The following SSH2 variants were observed in gnomAD, a reference collection of about 807,000 sequenced individuals.
SSH2 encodes the protein slingshot protein phosphatase 2.
SSH2 carries 37 observed loss-of-function variants against 135.2 expected under a neutral mutation model. That is an observed-to-expected ratio of 0.27 (90% CI 0.21 to 0.36). The LOEUF (loss-of-function observed/expected upper bound fraction) is 0.36, where lower values mean the gene tolerates loss of function less well. Ranked by LOEUF, SSH2 falls within the 10% of genes least tolerant of loss-of-function variation. The pLI, the probability that SSH2 is intolerant of heterozygous loss-of-function variation, is 1.00. For synonymous variants in SSH2, 628 were observed against 646.2 expected, an observed-to-expected ratio of 0.97 and a Z score of 0.43; for missense variants, 1,408 against 1,765.3, an observed-to-expected ratio of 0.80 and a Z score of 3.63.
chr17:29,804,059 C>G (rs1180715942), intron 2 of SSH2, among the ~76,000 whole-genome samples: 1 of 152,044 alleles, frequency 6.6e-6, no homozygotes, highest in Non-Finnish European at 1.5e-5. Context: ...TAATTTAGAT[C>G]AAGATATATA....
chr17:29,734,631 A>G (rs541553963), intron 3 of SSH2, among the ~76,000 whole-genome samples: 1 of 152,362 alleles, frequency 6.6e-6, no homozygotes, highest in South Asian at 2.1e-4. Context: ...CTTGAAAGTA[A>G]CAACCTTAAA....
intron 15 of SSH2, among the ~76,000 whole-genome samples, chr17:29,634,083 T>G (rs981359525): frequency 2.0e-5 from 3 of 152,224 alleles, no homozygotes; most frequent in Admixed American, 6.5e-5. Flanking sequence ...TTTCTGTCAG[T>G]GCTGCTACAG....
chr17:29,684,836 T>A, intron 5 of SSH2, 152 bp from the exon 6 acceptor site: 1 of 598,044 alleles, frequency 1.7e-6, no homozygotes, highest in Non-Finnish European at 2.7e-6. Context: ...GCTCGTACAC[T>A]AGCTATAAAA....
rs756477476 is a variant in SSH2 at position 29,636,620 on chromosome 17, T to C, written c.1610A>G (p.His537Arg). The change falls in exon 15 of 16, where the codon CAT becomes CGT. Residue 537 changes from histidine (H) to arginine (R), a missense_variant. Transcript: ENST00000540801. ...HPPIPPVFVE[H>R]MVPQDANQKG... The stretch of plus-strand genomic sequence containing the variant: ...CTGATTTGCATCTTGTGGGACCATA[T>C]GTTCCACAAAGACAGGAGGTATGGG... The C allele has an allele frequency of 6.2e-7, 1 of 1,614,202 alleles. No individual in the cohort carries two copies. The highest frequency in any genetic ancestry group is 2.2e-5 in the East Asian group (1 of 44,882).
chr17:29,677,791 C>G, intron 6 of SSH2, 50 bp from the exon 7 acceptor site: 1 of 1,453,370 alleles, frequency 6.9e-7, no homozygotes, highest in Non-Finnish European at 9.7e-7. Context: ...CTCTGGGAAG[C>G]AGTCTTCTGT....
chr17:29,780,907 G>T (rs2041826352), intron 3 of SSH2, among the ~76,000 whole-genome samples: 1 of 151,954 alleles, frequency 6.6e-6, no homozygotes, highest in African/African-American at 2.4e-5. Flanking sequence ...CCGCCTCCCG[G>T]TTCACGCCAT....
chr17:29,665,235 T>C (rs2037221600), intron 11 of SSH2, among the ~76,000 whole-genome samples: 1 of 152,170 alleles, frequency 6.6e-6, no homozygotes, highest in Non-Finnish European at 1.5e-5. Context: ...GTCTTGCAAA[T>C]GGAAAAGCCA....
At chr17:29,659,961 G>C (rs1170598802) in intron 11 of SSH2, among the ~76,000 whole-genome samples, 2 of 152,056 alleles carry the variant, frequency 1.3e-5, no homozygotes, top group Non-Finnish European at 2.9e-5. Flanking sequence ...CTCCCGAGTA[G>C]CTGGGATTAC....
chr17:29,756,020 C>T (rs2041105916), intron 3 of SSH2, among the ~76,000 whole-genome samples: 1 of 149,244 alleles, frequency 6.7e-6, no homozygotes, highest in Non-Finnish European at 1.5e-5. Flanking sequence ...AATCCCAGCA[C>T]TTTGGGAGGC....
At chr17:29,669,968 A>G (rs1468349728) in intron 9 of SSH2, among the ~76,000 whole-genome samples, 5 of 136,896 alleles carry the variant, frequency 3.7e-5, no homozygotes, top group African/African-American at 1.4e-4. Flanking sequence ...TGCAACCTCC[A>G]CCTCTTGGAT....
intron 1 of SSH2, among the ~76,000 whole-genome samples, chr17:29,898,075 A>G (rs1240272430): frequency 1.3e-5 from 2 of 152,210 alleles, no homozygotes; most frequent in Non-Finnish European, 2.9e-5. Context: ...GTTCTTTGAA[A>G]CCAACGAGAA....
At chr17:29,790,729 ATT>A (rs202130886) in intron 3 of SSH2, among the ~76,000 whole-genome samples, 16 of 140,684 alleles carry the variant, frequency 1.1e-4, no homozygotes, top group Admixed American at 1.4e-4. Context: ...GTACTGAAAG[ATT>A]TTTTTTTTTT....
rs187595291 is a variant in SSH2, at chr17:29,721,719, G to C, written c.189-18657C>G. Among the ~76,000 whole-genome samples, 190 of 152,194 alleles carry C rather than the reference G, an allele frequency of 1.2e-3. 1 individual carries two copies. The highest frequency in any genetic ancestry group is 5.8e-3 in the Admixed American group (88 of 15,288). On this transcript the variant is annotated intron_variant, in intron 3 of 15. Coordinates refer to ENST00000540801, the MANE Select transcript of SSH2 (RefSeq NM_001282129.2). Reference sequence around the variant, plus strand: ...AAAACAAGGAAACATGGTCCATTTTGTTCTTTTTGTCAAACAAGAAAGGGA... The same window carrying C: ...AAAACAAGGAAACATGGTCCATTTTCTTCTTTTTGTCAAACAAGAAAGGGA...
intron 3 of SSH2, among the ~76,000 whole-genome samples, chr17:29,777,918 C>T (rs188726702): frequency 4.6e-5 from 7 of 151,894 alleles, no homozygotes; most frequent in Non-Finnish European, 1.0e-4. Context: ...ACAGTATCCT[C>T]TCAACTGTTC....
intron 11 of SSH2, among the ~76,000 whole-genome samples, chr17:29,662,201 C>T (rs951345639): frequency 1.3e-5 from 2 of 152,198 alleles, no homozygotes; most frequent in African/African-American, 4.8e-5. Context: ...TTCCCTTGCA[C>T]TGTACGCTGG....
intron 3 of SSH2, among the ~76,000 whole-genome samples, chr17:29,750,556 T>A (rs1207731357): frequency 3.3e-5 from 5 of 151,950 alleles, no homozygotes; most frequent in Admixed American, 3.3e-4. Flanking sequence ...AGAGACAGCA[T>A]CTCCTCTGTT....
chr17:29,662,820 G>T (rs2037107114), intron 11 of SSH2, among the ~76,000 whole-genome samples: 1 of 152,180 alleles, frequency 6.6e-6, no homozygotes, highest in Non-Finnish European at 1.5e-5. Context: ...TTTCCCAAAA[G>T]ATGTCAAATC....
intron 7 of SSH2, 48 bp downstream of exon 7, chr17:29,677,625 C>T: frequency 1.3e-6 from 2 of 1,496,578 alleles, no homozygotes; most frequent in Admixed American, 1.7e-5. Flanking sequence ...TAAGATGGAG[C>T]CCCACCCCTT....
chr17:29,734,701 C>A (rs1207729779), intron 3 of SSH2, among the ~76,000 whole-genome samples: 1 of 152,318 alleles, frequency 6.6e-6, no homozygotes, highest in East Asian at 1.9e-4. Flanking sequence ...AACATTGCTT[C>A]ATTTTATTAC....
Sources: gnomAD v4.1 joint callset for allele counts (sites outside exome capture counted in the v4.1 genomes callset) on GRCh38, gnomAD v4.1.1 for gene constraint, MANE v1.5 for transcripts, NCBI Gene and HGNC (gene_info 2026-07-23, HGNC 2026-07-21) for gene names.